Variants in MARCHF3 observed in about 807,000 individuals in gnomAD.
MARCHF3 encodes the protein E3 ubiquitin-protein ligase MARCHF3.
A neutral mutation model predicts 24.2 loss-of-function variants in MARCHF3; 13 were observed. The ratio of observed to expected loss-of-function variants is 0.54; its 90% CI spans 0.35 to 0.85. MARCHF3 has a LOEUF of 0.85. Ranked by LOEUF, MARCHF3 falls within the 40% of genes least tolerant of loss-of-function variation. The probability of loss-of-function intolerance (pLI) is 0.01; values close to 1 mark genes in which losing one functional copy is unlikely to be tolerated. For missense variants in MARCHF3, 276 were observed against 325.0 expected, an observed-to-expected ratio of 0.85 and a Z score of 1.16; for synonymous variants, 144 against 137.3, an observed-to-expected ratio of 1.05 and a Z score of -0.34.
rs982183127 is a variant in MARCHF3, at chr5:126,909,626, C to T, written c.393+5304G>A. Among the ~76,000 whole-genome samples the T allele has an allele frequency of 5.9e-5, 9 of 152,226 alleles. No individual in the cohort carries two copies. In the East Asian group the frequency reaches 1.2e-3, roughly 20 times the overall value. On this transcript the variant is annotated intron_variant, in intron 3 of 4. Transcript: ENST00000308660. ...CACTTTCTTTGACTAGGAAAGGGAA[C>T]TCCCTGACCCCTTGCACTTCCCAAT...
chr5:126,952,965 A>T (rs1299361776), intron 1 of MARCHF3, among the ~76,000 whole-genome samples: 1 of 152,220 alleles, frequency 6.6e-6, no homozygotes. Context: ...CTTCAGAACC[A>T]AGTAGTGTAA....
intron 1 of MARCHF3, among the ~76,000 whole-genome samples, chr5:126,971,889 CAT>C (rs1751026624): frequency 6.6e-6 from 1 of 152,126 alleles, no homozygotes; most frequent in African/African-American, 2.4e-5. Context: ...ATTAAATTAC[CAT>C]ATGATTCTTA....
At chr5:126,903,614 C>T (rs1344009858) in intron 3 of MARCHF3, among the ~76,000 whole-genome samples, 1 of 151,790 alleles carries the variant, frequency 6.6e-6, no homozygotes, top group African/African-American at 2.4e-5. Context: ...CCAGCAATGT[C>T]TCCACCTAAG....
rs754432534 is a variant in MARCHF3, at chr5:126,878,281, G to A, written c.507C>T (p.Gly169=). Residue 169 remains glycine, a synonymous_variant, in exon 4 of 5, where the codon GGC becomes GGT. Transcript: ENST00000308660. ...TACTAAAGTGCAGGTGGTCCACGGC[G>A]CCCCGCAGGCACAGCCAGCCCGAGA... ...ATISGWLCLR[G]AVDHLHFSSR... 64 of 1,614,126 alleles carry A rather than the reference G, an allele frequency of 4.0e-5. 1 individual carries two copies. In the South Asian group the frequency reaches 5.5e-4, roughly 14 times the overall value.
At chr5:126,920,764 G>C (rs1258431809) in intron 1 of MARCHF3, among the ~76,000 whole-genome samples, 1 of 152,170 alleles carries the variant, frequency 6.6e-6, no homozygotes, top group Non-Finnish European at 1.5e-5. Context: ...AAAGGAAGTA[G>C]TTCTAAATGT....
intron 1 of MARCHF3, among the ~76,000 whole-genome samples, chr5:126,966,905 CTTTTTTTTTTTTTTTTTTTTTTTT>C (rs779454094): frequency 0.019 from 85 of 4,500 alleles, 2 homozygotes; most frequent in Non-Finnish European, 0.027. Flanking sequence ...CTGTGAGAGC[CTTTTTTTTTTTTTTTTTTTTTTTT>C]TTTTTTTTTT....
In MARCHF3 at chr5:126,873,705, T is replaced by C. The variant is rs148514834; in HGVS notation, c.604-2914A>G. ...AATTAAAAAATTCAGCCCACTTGTG[T>C]AGACAAACAGATGAGATCTTATTAT... On this transcript the variant is annotated intron_variant, in intron 4 of 4. Coordinates refer to ENST00000308660, the MANE Select transcript of MARCHF3 (RefSeq NM_178450.5). Among the ~76,000 whole-genome samples, 293 of 152,380 alleles carry C rather than the reference T, an allele frequency of 1.9e-3. 3 individuals carry two copies. Among genetic ancestry groups the C allele is most frequent in the Admixed American group, 0.017 (253 of 15,306 alleles).
intron 3 of MARCHF3, among the ~76,000 whole-genome samples, chr5:126,909,574 C>G (rs1754439158): frequency 6.6e-6 from 1 of 152,224 alleles, no homozygotes; most frequent in Non-Finnish European, 1.5e-5. Context: ...GTGGGAGTGA[C>G]TCGATTTTCC....
chr5:127,004,697 G>A (rs570410430), intron 1 of MARCHF3, among the ~76,000 whole-genome samples: 1 of 152,238 alleles, frequency 6.6e-6, no homozygotes, highest in East Asian at 1.9e-4. Context: ...CTCAGACATA[G>A]GAAGGAGTAT....
chr5:126,932,508 C>T (rs1325772166), intron 1 of MARCHF3, among the ~76,000 whole-genome samples: 1 of 152,130 alleles, frequency 6.6e-6, no homozygotes, highest in African/African-American at 2.4e-5. Flanking sequence ...TTGAATCTTG[C>T]CACTGGATGG....
At chr5:126,919,412 G>A (rs1749020989) in intron 1 of MARCHF3, among the ~76,000 whole-genome samples, 1 of 152,148 alleles carries the variant, frequency 6.6e-6, no homozygotes, top group Non-Finnish European at 1.5e-5. Context: ...GACAGACTGA[G>A]CTCACATCAA....
At chr5:126,970,289 T>C (rs961586372) in intron 1 of MARCHF3, among the ~76,000 whole-genome samples, 12 of 151,948 alleles carry the variant, frequency 7.9e-5, no homozygotes, top group African/African-American at 2.4e-4. Context: ...AGTTTCGCCA[T>C]GTTAGCCAGG....
chr5:127,007,487 T>C (rs565276543), intron 1 of MARCHF3, among the ~76,000 whole-genome samples: 1 of 152,264 alleles, frequency 6.6e-6, no homozygotes, highest in East Asian at 1.9e-4. Flanking sequence ...GGTATCTTCA[T>C]ATTATCATTA....
intron 1 of MARCHF3, among the ~76,000 whole-genome samples, chr5:126,994,807 C>A (rs1280078631): frequency 6.6e-6 from 1 of 152,274 alleles, no homozygotes; most frequent in Non-Finnish European, 1.5e-5. Flanking sequence ...GTGGCCCAGT[C>A]TGAGTCCCAA....
intron 3 of MARCHF3, among the ~76,000 whole-genome samples, chr5:126,903,964 TC>T (rs928974765): frequency 1.5e-4 from 5 of 32,506 alleles, no homozygotes; most frequent in Non-Finnish European, 2.4e-4. Context: ...CCCTCCCCCC[TC>T]CCCCCACCCC....
chr5:126,904,541 G>T (rs1250193133), intron 3 of MARCHF3, among the ~76,000 whole-genome samples: 1 of 149,246 alleles, frequency 6.7e-6, no homozygotes, highest in East Asian at 2.0e-4. Flanking sequence ...TTGTGGCTTT[G>T]ATTTGTGTTT....
At chr5:126,874,707 A>G (rs1753088645) in intron 4 of MARCHF3, among the ~76,000 whole-genome samples, 1 of 152,134 alleles carries the variant, frequency 6.6e-6, no homozygotes. Flanking sequence ...GCCTTGGCAA[A>G]CGGCCTCCTC....
intron 1 of MARCHF3, among the ~76,000 whole-genome samples, chr5:126,968,070 T>C (rs73337244): frequency 0.016 from 2,404 of 152,354 alleles, 58 homozygotes; most frequent in African/African-American, 0.052. Context: ...TTATACAATA[T>C]GTGGCTTTTG....
At chr5:127,029,300 A>C (rs1284841783) in intron 1 of MARCHF3, among the ~76,000 whole-genome samples, 1 of 152,186 alleles carries the variant, frequency 6.6e-6, no homozygotes, top group Non-Finnish European at 1.5e-5. Context: ...TATATATCTC[A>C]ACATTTTCAT....
Sources: gnomAD v4.1 joint callset for allele counts (sites outside exome capture counted in the v4.1 genomes callset) on GRCh38, gnomAD v4.1.1 for gene constraint, MANE v1.5 for transcripts, NCBI Gene and HGNC (gene_info 2026-07-23, HGNC 2026-07-21) for gene names.